Variants in SYN2 observed in about 807,000 individuals in gnomAD.
SYN2 encodes synapsin-2.
In SYN2, 19 loss-of-function variants were observed where a neutral mutation model predicts 50.9. The observed-to-expected ratio is 0.37, with a 90% confidence interval of 0.26 to 0.55. The LOEUF (loss-of-function observed/expected upper bound fraction) is 0.55, where lower values mean the gene tolerates loss of function less well. Ranked by LOEUF, SYN2 falls within the 20% of genes least tolerant of loss-of-function variation. The pLI, the probability that SYN2 is intolerant of heterozygous loss-of-function variation, is 0.81. For synonymous variants in SYN2, 255 were observed against 224.9 expected (o/e 1.13, Z -1.20); for missense variants, 587 against 576.4 (o/e 1.02, Z -0.19).
chr3:12,084,508 C>T (rs1165953780), intron 1 of SYN2, among the ~76,000 whole-genome samples: 1 of 152,162 alleles, frequency 6.6e-6, no homozygotes, highest in Non-Finnish European at 1.5e-5. Context: ...CTAGACTTGG[C>T]TTATACAAAA....
chr3:12,019,547 G>C (rs993476993), intron 1 of SYN2, among the ~76,000 whole-genome samples: 4 of 152,122 alleles, frequency 2.6e-5, no homozygotes, highest in African/African-American at 9.7e-5. Context: ...TAAAACATCA[G>C]TTAACTTGGC....
intron 1 of SYN2, among the ~76,000 whole-genome samples, chr3:12,109,704 C>T (rs1696273195): frequency 6.6e-6 from 1 of 152,088 alleles, no homozygotes. Flanking sequence ...CCAGCTATAT[C>T]TATAACTCTT....
chr3:12,147,592 C>CGT (rs1697181849), intron 4 of SYN2, among the ~76,000 whole-genome samples: 2 of 152,300 alleles, frequency 1.3e-5, no homozygotes, highest in South Asian at 4.1e-4. Context: ...CTACGGCACA[C>CGT]GTGTCCTAAC....
intron 4 of SYN2, 134 bp from the exon 5 acceptor site, chr3:12,151,100 ACTT>A (rs1264471271): frequency 1.1e-4 from 69 of 632,480 alleles, no homozygotes; most frequent in Non-Finnish European, 1.7e-4. Context: ...GGAATTGTAC[ACTT>A]CTTTTATATC....
chr3:12,105,945 A>T (rs184371203), intron 1 of SYN2, among the ~76,000 whole-genome samples: 1 of 152,158 alleles, frequency 6.6e-6, no homozygotes, highest in Non-Finnish European at 1.5e-5. Context: ...AACAACACCT[A>T]TTTATTAACT....
intron 1 of SYN2, among the ~76,000 whole-genome samples, chr3:12,121,871 G>A (rs1696567671): frequency 1.3e-5 from 2 of 152,200 alleles, no homozygotes; most frequent in African/African-American, 2.4e-5. Flanking sequence ...TTGGGCAAGA[G>A]CTGATACTGC....
intron 6 of SYN2, 103 bp from the exon 7 acceptor site, chr3:12,161,909 C>T (rs191526936): frequency 1.7e-5 from 26 of 1,486,748 alleles, no homozygotes; most frequent in Middle Eastern, 2.4e-4. Context: ...GTGTCTGGAT[C>T]GGATACATAT....
At chr3:12,134,177 A>C (rs1279969048) in intron 1 of SYN2, among the ~76,000 whole-genome samples, 1 of 152,218 alleles carries the variant, frequency 6.6e-6, no homozygotes, top group Non-Finnish European at 1.5e-5. Context: ...GATAAATGAC[A>C]TGATGTTTGG....
intron 7 of SYN2, among the ~76,000 whole-genome samples, chr3:12,164,490 C>T (rs1194971257): frequency 2.0e-5 from 3 of 152,192 alleles, no homozygotes; most frequent in Admixed American, 2.0e-4. Context: ...TATATTCCTG[C>T]TCTCAGAAGA....
chr3:12,142,866 T>C (rs1697054206), intron 3 of SYN2, among the ~76,000 whole-genome samples: 1 of 152,124 alleles, frequency 6.6e-6, no homozygotes, highest in South Asian at 2.1e-4. Context: ...AGGAACTGGA[T>C]TGGTGACAGG....
intron 1 of SYN2, among the ~76,000 whole-genome samples, chr3:12,120,036 T>C (rs918163851): frequency 6.6e-6 from 1 of 151,994 alleles, no homozygotes; most frequent in Non-Finnish European, 1.5e-5. Context: ...GGCAGAACCC[T>C]ATATATAAAG....
intron 1 of SYN2, among the ~76,000 whole-genome samples, chr3:12,056,859 T>A (rs922359542): frequency 4.6e-5 from 7 of 152,218 alleles, no homozygotes; most frequent in Non-Finnish European, 1.0e-4. Context: ...TAAAAAGTTG[T>A]GTCCTTTGTG....
intron 5 of SYN2, chr3:12,153,615 G>A: frequency 1.2e-6 from 2 of 1,614,210 alleles, no homozygotes; most frequent in Non-Finnish European, 1.7e-6. Context: ...ATAATGCTGA[G>A]CCTGGTAACC....
chr3:12,094,060 G>A (rs1028017364), intron 1 of SYN2, among the ~76,000 whole-genome samples: 2 of 152,044 alleles, frequency 1.3e-5, no homozygotes. Context: ...TTCACATGTT[G>A]GCCAGGCTGG....
chr3:12,110,411 T>C (rs1460922716), intron 1 of SYN2, among the ~76,000 whole-genome samples: 1 of 152,186 alleles, frequency 6.6e-6, no homozygotes, highest in Non-Finnish European at 1.5e-5. Context: ...TGCAAGCTGT[T>C]GGTGGATCTG....
intron 1 of SYN2, among the ~76,000 whole-genome samples, chr3:12,027,971 G>T: frequency 1.4e-5 from 2 of 147,638 alleles, no homozygotes; most frequent in Non-Finnish European, 1.5e-5. Context: ...TTTTTACTGT[G>T]CTCTACTTCT....
intron 1 of SYN2, among the ~76,000 whole-genome samples, chr3:12,104,133 T>G (rs2125190989): frequency 6.6e-6 from 1 of 152,246 alleles, no homozygotes. Context: ...TTTTTAAATT[T>G]TATTTATTTA....
At chr3:12,183,614 T>G (rs1698273201) in intron 11 of SYN2, 1 of 1,453,292 alleles carries the variant, frequency 6.9e-7, no homozygotes, top group Admixed American at 3.0e-5. Context: ...TGTTTACCTG[T>G]TCCTGTTCGT....
chr3:12,056,110 A>G (rs1013436712), intron 1 of SYN2, among the ~76,000 whole-genome samples: 7 of 152,230 alleles, frequency 4.6e-5, no homozygotes, highest in Non-Finnish European at 7.3e-5. Context: ...AAGGAAAATA[A>G]AGGGATGCAC....
Sources: gnomAD v4.1 joint callset for allele counts (sites outside exome capture counted in the v4.1 genomes callset) on GRCh38, gnomAD v4.1.1 for gene constraint, MANE v1.5 for transcripts, NCBI Gene and HGNC (gene_info 2026-07-23, HGNC 2026-07-21) for gene names.